ESRRB: variants seen among roughly 807,000 people sequenced by gnomAD.
ESRRB encodes the protein estrogen related receptor beta.
Under a neutral mutation model 46.0 loss-of-function variants are expected in ESRRB, and 16 were observed. The ratio of observed to expected loss-of-function variants is 0.35; its 90% confidence interval spans 0.24 to 0.53. The LOEUF is 0.53. Ranked by LOEUF, ESRRB falls within the 20% of genes least tolerant of loss-of-function variation. The pLI, the probability that ESRRB is intolerant of heterozygous loss-of-function variation, is 0.93. For missense variants in ESRRB, 488 were observed against 607.4 expected (o/e 0.80, Z 2.07); for synonymous variants, 246 against 259.6 (o/e 0.95, Z 0.50).
chr14:76,363,203 A>G (rs1231760286), intron 1 of ESRRB, among the ~76,000 whole-genome samples: 1 of 152,224 alleles, frequency 6.6e-6, no homozygotes, highest in Non-Finnish European at 1.5e-5. Flanking sequence ...GGCCTTTCAA[A>G]CTGGAAGAGG....
chr14:76,341,876 A>G (rs1884194972), intron 1 of ESRRB, among the ~76,000 whole-genome samples: 1 of 152,236 alleles, frequency 6.6e-6, no homozygotes, highest in African/African-American at 2.4e-5. Context: ...TGGCAAATTC[A>G]TGCTTGTCCT....
chr14:76,489,884 T>C lies in ESRRB; in HGVS notation c.851-1563T>C, dbSNP rs570752632. 3.0e-3 allele frequency among the ~76,000 whole-genome samples: 456 copies of C among 152,300 alleles called. 2 individuals carry two copies. The highest frequency in any genetic ancestry group is 0.01 in the African/African-American group (430 of 41,566). The stretch of plus-strand genomic sequence containing the variant: ...AAGTCCAGAGAGGAGAAGTGAGTGA[T>C]GCCAATGGTGTGCCAACAACAACAA... On this transcript the variant is annotated intron_variant, in intron 5 of 6. Coordinates refer to ENST00000644823, the MANE Select transcript of ESRRB (RefSeq NM_001379180.1).
At chr14:76,444,768 G>A (rs987208009) in intron 2 of ESRRB, among the ~76,000 whole-genome samples, 1 of 152,170 alleles carries the variant, frequency 6.6e-6, no homozygotes, top group African/African-American at 2.4e-5. Context: ...AGTCTCCTAA[G>A]CACCTAATAT....
chr14:76,351,489 T>G (rs958099196), intron 1 of ESRRB, among the ~76,000 whole-genome samples: 2 of 152,248 alleles, frequency 1.3e-5, no homozygotes, highest in Admixed American at 1.3e-4. Flanking sequence ...ATAGGGCCAC[T>G]GGTTGCATTG....
At chr14:76,467,149 G>A (rs147843263) in intron 3 of ESRRB, among the ~76,000 whole-genome samples, 202 of 152,294 alleles carry the variant, frequency 1.3e-3, no homozygotes, top group Non-Finnish European at 2.7e-3. Flanking sequence ...CCTCTTGGCA[G>A]AATCCACTAT....
At chr14:76,434,603 T>C (rs1282664844) in intron 1 of ESRRB, among the ~76,000 whole-genome samples, 1 of 149,700 alleles carries the variant, frequency 6.7e-6, no homozygotes, top group African/African-American at 2.5e-5. Flanking sequence ...GAGGTTGCAG[T>C]GAGCCAAGAT....
chr14:76,326,941 C>T (rs1883937018), intron 1 of ESRRB, among the ~76,000 whole-genome samples: 1 of 152,286 alleles, frequency 6.6e-6, no homozygotes. Flanking sequence ...CTGGGCCCAG[C>T]ACCAGCACAG....
intron 5 of ESRRB, among the ~76,000 whole-genome samples, chr14:76,489,714 G>A (rs1394072172): frequency 6.6e-6 from 1 of 152,164 alleles, no homozygotes; most frequent in Non-Finnish European, 1.5e-5. Context: ...CTCCAGGAGT[G>A]ACCCCTAAGG....
At chr14:76,365,410 T>C (rs562552517) in intron 1 of ESRRB, among the ~76,000 whole-genome samples, 1 of 152,276 alleles carries the variant, frequency 6.6e-6, no homozygotes, top group Non-Finnish European at 1.5e-5. Flanking sequence ...GCCCAGGAGA[T>C]TAAGGCTCCA....
intron 2 of ESRRB, among the ~76,000 whole-genome samples, chr14:76,462,240 G>A (rs906936119): frequency 5.3e-5 from 8 of 152,186 alleles, no homozygotes; most frequent in Non-Finnish European, 7.3e-5. Flanking sequence ...TCTCCTCCTG[G>A]AGTAAAAGGC....
rs200198676 is a variant in ESRRB at position 76,439,388 on chromosome 14, G to C, written c.98G>C (p.Cys33Ser). Residue 33 changes from cysteine (C) to serine (S), a missense_variant, in exon 2 of 7, where the codon TGC becomes TCC. Physicochemically the swap from Cys to Ser is moderately radical, Grantham distance 112 (BLOSUM62 -1). Transcript: ENST00000644823. Reference sequence around the variant, plus strand: ...GACGACAGGCACCTGGGCTCCAGCTGCGGCTCCTTCATCAAGACTGAGCCG... The same window carrying C: ...GACGACAGGCACCTGGGCTCCAGCTCCGGCTCCTTCATCAAGACTGAGCCG... ...SSDDRHLGSSCGSFIKTEPSS... is the reference protein window; with the variant it reads ...SSDDRHLGSSSGSFIKTEPSS... 17 of 1,613,564 alleles carry C rather than the reference G, an allele frequency of 1.1e-5. No homozygotes were observed. The highest frequency in any genetic ancestry group is 1.7e-5 in the Admixed American group (1 of 60,010).
At chr14:76,316,344 G>A (rs1188399137) in intron 1 of ESRRB, among the ~76,000 whole-genome samples, 2 of 152,156 alleles carry the variant, frequency 1.3e-5, no homozygotes, top group African/African-American at 4.8e-5. Flanking sequence ...GCAGGGGACT[G>A]GAATATGAAT....
At chr14:76,417,742 C>T (rs1886766383) in intron 1 of ESRRB, among the ~76,000 whole-genome samples, 1 of 152,030 alleles carries the variant, frequency 6.6e-6, no homozygotes, top group East Asian at 1.9e-4. Context: ...GAAGGCATGG[C>T]AGGCAGTGGA....
At chr14:76,416,861 C>T (rs778001789) in intron 1 of ESRRB, among the ~76,000 whole-genome samples, 2 of 152,152 alleles carry the variant, frequency 1.3e-5, no homozygotes, top group Admixed American at 6.5e-5. Flanking sequence ...AAGACCCTGC[C>T]TTCAGGGAAC....
intron 1 of ESRRB, among the ~76,000 whole-genome samples, chr14:76,359,639 C>T (rs947117323): frequency 2.0e-5 from 3 of 152,128 alleles, no homozygotes; most frequent in African/African-American, 7.2e-5. Flanking sequence ...GATGGGTACA[C>T]AGTAACCTCC....
intron 1 of ESRRB, among the ~76,000 whole-genome samples, chr14:76,419,508 C>T (rs996276279): frequency 6.6e-6 from 1 of 152,126 alleles, no homozygotes; most frequent in Admixed American, 6.5e-5. Flanking sequence ...TGGGATAAGA[C>T]ATGGAAATTC....
intron 3 of ESRRB, among the ~76,000 whole-genome samples, chr14:76,469,929 G>GTTTTTTTTTTTTTTGTTTTTTTTTTT (rs769935944): frequency 1.3e-5 from 1 of 78,748 alleles, no homozygotes. Context: ...GTTTTTTGTT[G>GTTTTTTTTTTTTTTGTTTTTTTTTTT]TTTTTTTTTT....
At chr14:76,485,913 A>C (rs1890000415) in intron 5 of ESRRB, among the ~76,000 whole-genome samples, 1 of 152,190 alleles carries the variant, frequency 6.6e-6, no homozygotes, top group Non-Finnish European at 1.5e-5. Context: ...ACTACACATG[A>C]GGTCCCCTGA....
At position 76,441,307 on chromosome 14, in the gene ESRRB, A is replaced by G. The variant is rs528368319; in HGVS notation, c.460+1557A>G. Among the ~76,000 whole-genome samples the G allele has an allele frequency of 6.6e-5, 10 of 152,212 alleles. No individual in the cohort carries two copies. The East Asian group carries it at 1.7e-3, about 26-fold the overall frequency. On this transcript the variant is annotated intron_variant, in intron 2 of 6. Transcript: ENST00000644823. ...CTTTCTGTGGGTACTAGAGTCAATC[A>G]CTCTGACAAAAGGCGTGCAAGAACC...
Sources: gnomAD v4.1 joint callset for allele counts (sites outside exome capture counted in the v4.1 genomes callset) on GRCh38, gnomAD v4.1.1 for gene constraint, MANE v1.5 for transcripts, NCBI Gene and HGNC (gene_info 2026-07-23, HGNC 2026-07-21) for gene names.